Variants in SLCO5A1 observed in about 807,000 individuals in gnomAD.
SLCO5A1 encodes the protein solute carrier organic anion transporter family member 5A1, also known as organic anion transporter polypeptide-related protein 4.
A neutral mutation model predicts 65.1 loss-of-function variants in SLCO5A1; 39 were observed. The ratio of observed to expected loss-of-function variants is 0.60; its 90% CI spans 0.46 to 0.78. The LOEUF is 0.78. SLCO5A1 is among the 30% of genes least tolerant of loss of function. The probability of loss-of-function intolerance (pLI) is 0.00; values close to 1 mark genes in which losing one functional copy is unlikely to be tolerated. For missense variants in SLCO5A1, 1,029 were observed against 1,069.4 expected, an observed-to-expected ratio of 0.96 and a Z score of 0.53; for synonymous variants, 438 against 415.7, an observed-to-expected ratio of 1.05 and a Z score of -0.65.
At chr8:69,747,720 C>G (rs1817103929) in intron 4 of SLCO5A1, among the ~76,000 whole-genome samples, 1 of 152,186 alleles carries the variant, frequency 6.6e-6, no homozygotes, top group East Asian at 1.9e-4. Flanking sequence ...TCCATTATCT[C>G]TAATCTTGCA....
chr8:69,788,789 A>G (rs140399243), intron 2 of SLCO5A1, among the ~76,000 whole-genome samples: 15 of 152,300 alleles, frequency 9.8e-5, no homozygotes, highest in African/African-American at 3.4e-4. Flanking sequence ...GTGTACCTTA[A>G]TTAAGGAACA....
chr8:69,821,527 G>A (rs1487741344), intron 2 of SLCO5A1, among the ~76,000 whole-genome samples: 1 of 151,952 alleles, frequency 6.6e-6, no homozygotes, highest in Admixed American at 6.6e-5. Flanking sequence ...GGCCAGAATA[G>A]ACCAGGCGCA....
chr8:69,748,983 C>A (rs1242718966), intron 4 of SLCO5A1, among the ~76,000 whole-genome samples: 2 of 152,168 alleles, frequency 1.3e-5, no homozygotes, highest in Non-Finnish European at 2.9e-5. Context: ...GGAATTCAAG[C>A]AGCAGCTTTC....
At chr8:69,694,676 G>A (rs537980819) in intron 6 of SLCO5A1, among the ~76,000 whole-genome samples, 18 of 152,266 alleles carry the variant, frequency 1.2e-4, no homozygotes, top group Admixed American at 6.5e-4. Flanking sequence ...CTATACAGCC[G>A]CACCACCCAG....
rs527641284 is a variant in SLCO5A1, at chr8:69,746,700, G to A, written c.1259-8496C>T. Among the ~76,000 whole-genome samples, 89 of 152,324 alleles carry A rather than the reference G, an allele frequency of 5.8e-4. 2 individuals are homozygous for A. In the South Asian group the frequency reaches 0.013, roughly 22 times the overall value. On this transcript the variant is annotated intron_variant, in intron 4 of 9. Coordinates refer to ENST00000260126, the MANE Select transcript of SLCO5A1 (RefSeq NM_030958.3). ...GGAACACCACGTGATAATTATGGCC[G>A]AAGGAGGCCAGTGAGCAGATACTCC...
intron 2 of SLCO5A1, among the ~76,000 whole-genome samples, chr8:69,765,401 T>TACACACACACACAC (rs374857488): frequency 2.0e-5 from 3 of 149,620 alleles, no homozygotes; most frequent in African/African-American, 7.4e-5. Flanking sequence ...TATATATATA[T>TACACACACACACAC]ACACACACAC....
chr8:69,742,526 CA>C (rs1816828555), intron 4 of SLCO5A1, among the ~76,000 whole-genome samples: 1 of 152,094 alleles, frequency 6.6e-6, no homozygotes, highest in African/African-American at 2.4e-5. Flanking sequence ...CACAAAGCAC[CA>C]AAATTCAAGA....
chr8:69,795,103 A>C (rs1819435121), intron 2 of SLCO5A1, among the ~76,000 whole-genome samples: 1 of 152,214 alleles, frequency 6.6e-6, no homozygotes. Flanking sequence ...TTACAATTTG[A>C]CATGAGATTT....
At chr8:69,794,577 AC>A in intron 2 of SLCO5A1, 1 of 316,838 alleles carries the variant, frequency 3.2e-6, no homozygotes, top group Non-Finnish European at 6.4e-6. Context: ...TTTATTGAAG[AC>A]CTTAGATTAC....
intron 5 of SLCO5A1, among the ~76,000 whole-genome samples, chr8:69,708,340 A>C (rs1815066133): frequency 6.6e-6 from 1 of 152,198 alleles, no homozygotes; most frequent in Non-Finnish European, 1.5e-5. Flanking sequence ...CTTAGAATGA[A>C]GATTACAGGC....
chr8:69,782,551 G>A (rs1039612718), intron 2 of SLCO5A1, among the ~76,000 whole-genome samples: 1 of 138,850 alleles, frequency 7.2e-6, no homozygotes, highest in Non-Finnish European at 1.5e-5. Flanking sequence ...CTGCACTCCA[G>A]TTTGGGAGAC....
chr8:69,747,740 A>AT (rs1249136606), intron 4 of SLCO5A1, among the ~76,000 whole-genome samples: 2 of 152,148 alleles, frequency 1.3e-5, no homozygotes, highest in African/African-American at 4.8e-5. Context: ...AGTTCCTGTC[A>AT]TTTTTATTCT....
At chr8:69,679,345 G>A (rs374244264) in intron 8 of SLCO5A1, 33 bp downstream of exon 8, 2 of 1,613,160 alleles carry the variant, frequency 1.2e-6, no homozygotes, top group Non-Finnish European at 1.7e-6. Context: ...TATAAGTACA[G>A]AACCCACCCC....
chr8:69,736,967 C>A (rs944509906), intron 5 of SLCO5A1, among the ~76,000 whole-genome samples: 2 of 152,170 alleles, frequency 1.3e-5, no homozygotes, highest in Admixed American at 1.3e-4. Context: ...ATAAAATAAT[C>A]TGGAAATTTT....
intron 7 of SLCO5A1, among the ~76,000 whole-genome samples, chr8:69,680,188 G>A (rs78524841): frequency 2.5e-3 from 380 of 152,174 alleles, no homozygotes; most frequent in African/African-American, 8.7e-3. Flanking sequence ...TTTGTTACAC[G>A]GGTCTATTGT....
chr8:69,718,190 C>G (rs943771323), intron 5 of SLCO5A1, among the ~76,000 whole-genome samples: 7 of 152,086 alleles, frequency 4.6e-5, no homozygotes, highest in Non-Finnish European at 1.0e-4. Flanking sequence ...ATTTTTGATT[C>G]ATTGCTAGTG....
At chr8:69,756,995 G>A (rs1412422125) in intron 3 of SLCO5A1, among the ~76,000 whole-genome samples, 1 of 152,178 alleles carries the variant, frequency 6.6e-6, no homozygotes, top group African/African-American at 2.4e-5. Flanking sequence ...AATGCAAGCA[G>A]CATCATAAGT....
intron 4 of SLCO5A1, among the ~76,000 whole-genome samples, chr8:69,748,129 G>A (rs1036848340): frequency 2.6e-5 from 4 of 152,110 alleles, no homozygotes; most frequent in Non-Finnish European, 5.9e-5. Flanking sequence ...GCCTGGAAAA[G>A]ACAGGAGCTA....
At chr8:69,826,442 C>A (rs1252828647) in intron 2 of SLCO5A1, among the ~76,000 whole-genome samples, 1 of 151,546 alleles carries the variant, frequency 6.6e-6, no homozygotes, top group Non-Finnish European at 1.5e-5. Context: ...AAGAAAAAAA[C>A]AAACAACCCC....
Sources: gnomAD v4.1 joint callset for allele counts (sites outside exome capture counted in the v4.1 genomes callset) on GRCh38, gnomAD v4.1.1 for gene constraint, MANE v1.5 for transcripts, NCBI Gene and HGNC (gene_info 2026-07-23, HGNC 2026-07-21) for gene names.